The following ZNF782 variants were observed in gnomAD, a reference collection of about 807,000 sequenced individuals.
ZNF782 encodes the protein zinc finger protein 782.
ZNF782 carries 12 observed loss-of-function variants against 13.0 expected under a neutral mutation model. That is an observed-to-expected ratio of 0.92 (90% CI 0.59 to 1.50). The LOEUF is 1.50. Ranked by LOEUF, ZNF782 falls within the 40% of genes most tolerant of loss-of-function variation. The pLI, the probability that ZNF782 is intolerant of heterozygous loss-of-function variation, is 0.00. For synonymous variants in ZNF782, 284 were observed against 283.0 expected, an observed-to-expected ratio of 1.00 and a Z score of -0.04; for missense variants, 770 against 822.9, an observed-to-expected ratio of 0.94 and a Z score of 0.79.
At chr9:96,902,279 C>T in the ZNF782 span, among the ~76,000 whole-genome samples, 2 of 148,498 alleles carry the variant, frequency 1.3e-5, no homozygotes, top group Non-Finnish European at 3.0e-5. Flanking sequence ...CAAAAATTAG[C>T]CAGGTGTGGT....
chr9:96,817,088 G>A lies in ZNF782; in HGVS notation c.*835C>T, dbSNP rs186676825. 0.027 allele frequency: 2,562 copies of A among 93,410 alleles called. 35 individuals carry two copies. Among genetic ancestry groups the A allele is most frequent in the Non-Finnish European group, 0.056 (1,694 of 30,326 alleles). 5.8% of individuals were successfully genotyped at this position (93,410 alleles called of 1,614,324 possible). A position where few individuals can be genotyped will look rare whatever the true frequency, so the allele number is the denominator to read the frequency against. On this transcript the variant is annotated 3_prime_UTR_variant, in exon 6 of 6. Coordinates refer to ENST00000481138, the MANE Select transcript of ZNF782 (RefSeq NM_001001662.3). ...ATGCCACAGGATCCTTCTCTGACCC[G>A]GGTTCCTACCATCTTGTACTTTCCA...
chr9:96,875,475 A>G (rs1851881704), exon 1 of ZNF782: 1 of 456,586 alleles, frequency 2.2e-6, no homozygotes, highest in East Asian at 6.9e-5. Flanking sequence ...TACAGGTAAT[A>G]AAGCTGGAAT....
chr9:96,820,365 T>C (rs1850370836), intron 5 of ZNF782, among the ~76,000 whole-genome samples: 1 of 152,120 alleles, frequency 6.6e-6, no homozygotes, highest in Non-Finnish European at 1.5e-5. Context: ...TTAAAAGAAA[T>C]ACTACTATAG....
chr9:96,909,783 T>C, the ZNF782 span, among the ~76,000 whole-genome samples: 1 of 151,906 alleles, frequency 6.6e-6, no homozygotes, highest in Non-Finnish European at 1.5e-5. Context: ...CATTGTTGGA[T>C]ATTTTTAAGA....
upstream of ZNF782, among the ~76,000 whole-genome samples, chr9:96,857,520 C>G (rs978760085): frequency 6.6e-6 from 1 of 152,198 alleles, no homozygotes; most frequent in Non-Finnish European, 1.5e-5. Flanking sequence ...GGCCAGTGCT[C>G]TATTTTGCAG....
upstream of ZNF782, among the ~76,000 whole-genome samples, chr9:96,877,447 G>C (rs563342811): frequency 1.3e-5 from 2 of 152,360 alleles, no homozygotes; most frequent in African/African-American, 2.4e-5. Context: ...GCCGCCCCCG[G>C]ACCCGCGTGG....
the ZNF782 span, among the ~76,000 whole-genome samples, chr9:96,883,324 T>G: frequency 6.6e-6 from 1 of 151,802 alleles, no homozygotes; most frequent in Non-Finnish European, 1.5e-5. Flanking sequence ...AAAGGAGGGG[T>G]TTGTTTTCTC....
upstream of ZNF782, among the ~76,000 whole-genome samples, chr9:96,878,103 C>CA (rs1851916493): frequency 2.0e-5 from 3 of 152,352 alleles, no homozygotes; most frequent in South Asian, 6.2e-4. Flanking sequence ...AGCTGGAGTG[C>CA]AATGCTGCGA....
chr9:96,923,942 TCTC>T, the ZNF782 span, among the ~76,000 whole-genome samples: 1 of 150,824 alleles, frequency 6.6e-6, no homozygotes, highest in Non-Finnish European at 1.5e-5. Flanking sequence ...TTCAAGCAAT[TCTC>T]CTGTCTCATC....
intron 4 of ZNF782, among the ~76,000 whole-genome samples, chr9:96,842,217 G>T (rs1851210065): frequency 6.6e-6 from 1 of 151,916 alleles, no homozygotes; most frequent in African/African-American, 2.4e-5. Flanking sequence ...GAAATATATT[G>T]TGTTTATGGA....
rs912586950 is a variant in ZNF782, at chr9:96,819,349, A to G, written c.674T>C (p.Leu225Pro). ...AGATGTAACAAGGGCAGCCTTTTCA[A>G]GAAAAGCTTTTCTACTTTCATTATA... is the stretch of plus-strand genomic sequence containing the variant. ...FEYNESRKAF[L>P]EKAALVTSNS... Residue 225 changes from leucine (L) to proline (P), a missense_variant, in exon 6 of 6, where the codon CTT becomes CCT. Transcript: ENST00000481138. The G allele has an allele frequency of 6.2e-7, 1 of 1,600,554 alleles. No homozygotes were observed. The highest frequency in any genetic ancestry group is 8.5e-7 in the Non-Finnish European group (1 of 1,175,366).
At chr9:96,851,080 T>A (rs1411742010) in intron 3 of ZNF782, among the ~76,000 whole-genome samples, 1 of 152,146 alleles carries the variant, frequency 6.6e-6, no homozygotes, top group Non-Finnish European at 1.5e-5. Context: ...CTCATTTTAT[T>A]TTTCTCTTGG....
At chr9:96,911,946 T>C in the ZNF782 span, among the ~76,000 whole-genome samples, 1 of 151,932 alleles carries the variant, frequency 6.6e-6, no homozygotes. Flanking sequence ...ACGCCTGTAA[T>C]CCCAGCACTT....
At chr9:96,831,043 A>T (rs962329353) in intron 4 of ZNF782, among the ~76,000 whole-genome samples, 1 of 152,184 alleles carries the variant, frequency 6.6e-6, no homozygotes, top group Non-Finnish European at 1.5e-5. Flanking sequence ...CGCCACAGGG[A>T]CCTGTGAGAC....
intron 3 of ZNF782, among the ~76,000 whole-genome samples, chr9:96,848,161 A>G (rs982912722): frequency 1.3e-5 from 2 of 152,196 alleles, no homozygotes; most frequent in Non-Finnish European, 2.9e-5. Flanking sequence ...GAGGGGACTT[A>G]CCTCAAAATA....
At chr9:96,923,667 C>T in the ZNF782 span, among the ~76,000 whole-genome samples, 1 of 131,532 alleles carries the variant, frequency 7.6e-6, no homozygotes, top group Non-Finnish European at 1.6e-5. Flanking sequence ...TACAAATCCC[C>T]AACATTCATT....
rs758276561 is a variant in ZNF782, at chr9:96,818,561, T to C, written c.1462A>G (p.Ser488Gly). ...FECNECGKSF[S>G]HMSGLRNHRR... ...TGATTCCTTAGGCCTGACATATGGC[T>C]GAAAGATTTCCCGCATTCATTACAT... Residue 488 changes from serine to glycine, a missense_variant, in exon 6 of 6, where the codon AGC (serine) becomes GGC (glycine). By Grantham distance (56) the Ser-to-Gly change is moderately conservative. Coordinates refer to ENST00000481138, the MANE Select transcript of ZNF782 (RefSeq NM_001001662.3). The C allele has an allele frequency of 2.5e-6, 4 of 1,613,882 alleles. No individual in the cohort carries two copies. The highest frequency in any genetic ancestry group is 3.4e-6 in the Non-Finnish European group (4 of 1,179,948).
chr9:96,913,053 C>T, the ZNF782 span, among the ~76,000 whole-genome samples: 1 of 151,278 alleles, frequency 6.6e-6, no homozygotes, highest in Non-Finnish European at 1.5e-5. Context: ...GTGGCTCACA[C>T]CTGTAATCCC....
At chr9:96,851,886 G>A in intron 3 of ZNF782, 61 bp downstream of exon 3, 1 of 1,452,332 alleles carries the variant, frequency 6.9e-7, no homozygotes, top group Non-Finnish European at 9.7e-7. Flanking sequence ...TAATGCAAGG[G>A]CCTATCTAAA....
Sources: allele counts gnomAD v4.1 joint callset (sites outside exome capture counted in the v4.1 genomes callset), GRCh38; gene constraint gnomAD v4.1.1; transcripts MANE v1.5; gene names NCBI Gene and HGNC (gene_info 2026-07-23, HGNC 2026-07-21).